Variants in CCDC192 observed in about 807,000 individuals in gnomAD.
The protein encoded by CCDC192 is coiled-coil domain-containing protein 192.
At chr5:127,824,904 C>T (rs1012784882) in intron 5 of CCDC192, among the ~76,000 whole-genome samples, 7 of 152,086 alleles carry the variant, frequency 4.6e-5, no homozygotes, top group East Asian at 1.9e-4. Context: ...ATGGTTGTTT[C>T]GAGAGAAGCA....
At chr5:127,798,243 T>C (rs989193503) in intron 5 of CCDC192, 81 bp downstream of exon 5, 2 of 396,164 alleles carry the variant, frequency 5.0e-6, no homozygotes, top group Non-Finnish European at 8.9e-6. Flanking sequence ...AAAGAAGTTA[T>C]AAATGAGTTT....
chr5:127,888,198 T>G (rs1181910986), intron 6 of CCDC192, among the ~76,000 whole-genome samples: 1 of 151,928 alleles, frequency 6.6e-6, no homozygotes, highest in Non-Finnish European at 1.5e-5. Context: ...CATAGATCAC[T>G]TGAAGTCAGG....
intron 5 of CCDC192, among the ~76,000 whole-genome samples, chr5:127,802,074 G>T (rs1048807485): frequency 1.3e-5 from 2 of 152,118 alleles, no homozygotes; most frequent in Admixed American, 1.3e-4. Flanking sequence ...ACTCAAAATA[G>T]GGAGAGAACC....
At chr5:127,803,972 A>G (rs901304446) in intron 5 of CCDC192, among the ~76,000 whole-genome samples, 1 of 152,236 alleles carries the variant, frequency 6.6e-6, no homozygotes, top group Non-Finnish European at 1.5e-5. Context: ...TTTGGAAACC[A>G]GAAGATCCTG....
intron 2 of CCDC192, among the ~76,000 whole-genome samples, chr5:127,710,175 A>T (rs77853333): frequency 4.3e-4 from 65 of 152,064 alleles, no homozygotes; most frequent in African/African-American, 1.4e-3. Context: ...AGCTGGAGGG[A>T]GTTGGGATTA....
intron 5 of CCDC192, among the ~76,000 whole-genome samples, chr5:127,822,625 T>A (rs747973038): frequency 4.6e-5 from 7 of 151,762 alleles, no homozygotes; most frequent in Non-Finnish European, 8.8e-5. Context: ...CACTGGTGAG[T>A]GGATGTCAGA....
chr5:127,800,705 C>T (rs1217380246), intron 5 of CCDC192, among the ~76,000 whole-genome samples: 6 of 152,090 alleles, frequency 3.9e-5, no homozygotes, highest in South Asian at 2.1e-4. Flanking sequence ...TTTCTCTATT[C>T]GTATCCCCCA....
intron 1 of CCDC192, among the ~76,000 whole-genome samples, chr5:127,705,883 A>C (rs1327717561): frequency 1.3e-5 from 2 of 152,158 alleles, no homozygotes; most frequent in Admixed American, 1.3e-4. Flanking sequence ...CTTTAAAGCC[A>C]TTTTTTGGTT....
At chr5:127,842,357 A>G (rs1319873036) in intron 5 of CCDC192, among the ~76,000 whole-genome samples, 1 of 152,204 alleles carries the variant, frequency 6.6e-6, no homozygotes, top group Non-Finnish European at 1.5e-5. Context: ...AGCTGGGATG[A>G]CAGGTGTGAA....
At chr5:127,784,556 A>G (rs1756426297) in intron 3 of CCDC192, 5 of 453,042 alleles carry the variant, frequency 1.1e-5, no homozygotes, top group Non-Finnish European at 1.7e-5. Context: ...AGTTGTTTAC[A>G]TTCTTTCCAA....
intron 2 of CCDC192, among the ~76,000 whole-genome samples, chr5:127,743,697 C>G (rs1753565962): frequency 6.6e-6 from 1 of 152,152 alleles, no homozygotes; most frequent in South Asian, 2.1e-4. Context: ...TGAGGCAAAC[C>G]CAAACACAGA....
intron 5 of CCDC192, among the ~76,000 whole-genome samples, chr5:127,827,875 A>C (rs966389015): frequency 6.6e-6 from 1 of 152,150 alleles, no homozygotes; most frequent in Non-Finnish European, 1.5e-5. Flanking sequence ...TCCTTCACCA[A>C]GGTCAGCAAT....
intron 5 of CCDC192, chr5:127,857,896 C>T (rs559392661): frequency 1.3e-5 from 2 of 152,366 alleles, no homozygotes; most frequent in East Asian, 3.9e-4. Context: ...AAATGTTAAT[C>T]ATACCCACAA....
chr5:127,903,121 A>G (rs1753089860), intron 6 of CCDC192, among the ~76,000 whole-genome samples: 1 of 152,164 alleles, frequency 6.6e-6, no homozygotes, highest in South Asian at 2.1e-4. Flanking sequence ...CCATTGCTGT[A>G]AAGAGGCAGA....
At chr5:127,920,940 G>T (rs1033460647) in intron 6 of CCDC192, among the ~76,000 whole-genome samples, 2 of 151,698 alleles carry the variant, frequency 1.3e-5, no homozygotes, top group African/African-American at 4.8e-5. Flanking sequence ...TGCACCTGTA[G>T]TCCCAGCTAC....
chr5:127,722,515 TACTC>T (rs1752083771), intron 2 of CCDC192, among the ~76,000 whole-genome samples: 2 of 152,212 alleles, frequency 1.3e-5, no homozygotes, highest in Non-Finnish European at 2.9e-5. Context: ...TATGGAGTAT[TACTC>T]AAGAAATATT....
At chr5:127,709,418 C>T (rs1343000565) in intron 2 of CCDC192, among the ~76,000 whole-genome samples, 3 of 152,148 alleles carry the variant, frequency 2.0e-5, no homozygotes, top group East Asian at 1.9e-4. Context: ...TATAATTCAA[C>T]ATGAGATTTG....
At chr5:127,830,880 T>G (rs1749764716) in intron 5 of CCDC192, among the ~76,000 whole-genome samples, 1 of 152,200 alleles carries the variant, frequency 6.6e-6, no homozygotes, top group Non-Finnish European at 1.5e-5. Flanking sequence ...TAAATTTATC[T>G]AAACACAGAA....
intron 5 of CCDC192, among the ~76,000 whole-genome samples, chr5:127,858,044 A>G (rs1751178489): frequency 6.6e-6 from 1 of 152,246 alleles, no homozygotes; most frequent in Non-Finnish European, 1.5e-5. Context: ...TAATGGGAAT[A>G]GCAATAATAT....
Sources: allele counts gnomAD v4.1 joint callset (sites outside exome capture counted in the v4.1 genomes callset), GRCh38; gene constraint gnomAD v4.1.1; transcripts MANE v1.5; gene names NCBI Gene and HGNC (gene_info 2026-07-23, HGNC 2026-07-21).